The following ERC2 variants were observed in gnomAD, a reference collection of about 807,000 sequenced individuals.
ERC2 encodes the protein ELKS/RAB6-interacting/CAST family member 2, also known as ERC protein 2.
Under a neutral mutation model 114.8 loss-of-function variants are expected in ERC2, and 42 were observed. That is an observed-to-expected ratio of 0.37 (90% confidence interval 0.29 to 0.47). ERC2 has a LOEUF of 0.47. Ranked by LOEUF, ERC2 falls within the 20% of genes least tolerant of loss-of-function variation. The pLI is 0.99. For synonymous variants in ERC2, 454 were observed against 425.5 expected, an observed-to-expected ratio of 1.07 and a Z score of -0.82; for missense variants, 939 against 1,150.7, an observed-to-expected ratio of 0.82 and a Z score of 2.66.
intron 13 of ERC2, among the ~76,000 whole-genome samples, chr3:55,949,232 T>G (rs1289898445): frequency 2.6e-5 from 4 of 152,032 alleles, no homozygotes; most frequent in Admixed American, 2.6e-4. Flanking sequence ...TAGCGGGGCA[T>G]GGTGGCGGGA....
intron 14 of ERC2, among the ~76,000 whole-genome samples, chr3:55,867,609 A>C (rs192496588): frequency 7.2e-5 from 11 of 152,368 alleles, no homozygotes; most frequent in Non-Finnish European, 1.5e-4. Flanking sequence ...TGTATGCATG[A>C]GAAAAGAGAC....
chr3:56,333,226 GCCATGTGGATGAAGAA>G (rs2057708029), intron 2 of ERC2, among the ~76,000 whole-genome samples: 1 of 152,200 alleles, frequency 6.6e-6, no homozygotes, highest in Admixed American at 6.5e-5. Context: ...GGGCAGGGTG[GCCATGTGGATGAAGAA>G]CCTTAAATAT....
intron 12 of ERC2, among the ~76,000 whole-genome samples, chr3:55,977,520 A>G (rs1325416496): frequency 5.3e-5 from 8 of 152,190 alleles, no homozygotes; most frequent in Non-Finnish European, 1.0e-4. Context: ...GCAAATCAAA[A>G]CTGCACTTAA....
At chr3:56,426,887 C>T (rs112059450) in intron 2 of ERC2, among the ~76,000 whole-genome samples, 2,744 of 151,492 alleles carry the variant, frequency 0.018, 37 homozygotes, top group South Asian at 0.039. Context: ...TTTGGCAGAG[C>T]GCAGTGGCTC....
In ERC2 at chr3:56,355,883, G is replaced by A. The variant is rs766743167; in HGVS notation, c.658-59448C>T. On this transcript the variant is annotated intron_variant, in intron 2 of 17. Transcript: ENST00000288221. ...AAATTGTTCTGTCTGCTCCAGCACCGTACTTTCCATGGAGAGGTGATGAAT... is the reference window on the plus strand; with the variant it reads ...AAATTGTTCTGTCTGCTCCAGCACCATACTTTCCATGGAGAGGTGATGAAT... Among the ~76,000 whole-genome samples, 6 of 152,156 alleles carry A rather than the reference G, an allele frequency of 3.9e-5. No individual in the cohort carries two copies. The South Asian group carries it at 6.2e-4, about 16-fold the overall frequency.
chr3:56,199,574 C>T lies in ERC2; in HGVS notation c.1075-26054G>A, dbSNP rs111639756. Among the ~76,000 whole-genome samples the T allele has an allele frequency of 6.6e-3, 997 of 152,136 alleles. 14 individuals carry two copies. The highest frequency in any genetic ancestry group is 0.023 in the African/African-American group (956 of 41,482). Reference sequence around the variant, plus strand: ...CCAGGCTGGAGTGGAGGGGCATCATCATAGCTCACTGCAGCCTCAAACTCC... The same window carrying T: ...CCAGGCTGGAGTGGAGGGGCATCATTATAGCTCACTGCAGCCTCAAACTCC... On this transcript the variant is annotated intron_variant, in intron 3 of 17. Coordinates refer to ENST00000288221, the MANE Select transcript of ERC2 (RefSeq NM_015576.3).
At chr3:55,656,124 T>C (rs965878646) in intron 17 of ERC2, among the ~76,000 whole-genome samples, 7 of 151,970 alleles carry the variant, frequency 4.6e-5, no homozygotes, top group African/African-American at 1.7e-4. Flanking sequence ...ATTTATTTAT[T>C]TTTCTGAGTT....
intron 13 of ERC2, among the ~76,000 whole-genome samples, chr3:55,919,389 T>C (rs2065285282): frequency 6.6e-6 from 1 of 152,092 alleles, no homozygotes; most frequent in Non-Finnish European, 1.5e-5. Flanking sequence ...AAAAAAATCA[T>C]TTAAAAAAGT....
chr3:56,430,003 G>A (rs2061725578), intron 2 of ERC2, among the ~76,000 whole-genome samples: 1 of 152,142 alleles, frequency 6.6e-6, no homozygotes, highest in Admixed American at 6.5e-5. Context: ...GGAAAGGGCT[G>A]GGTTAGTTAG....
At chr3:55,592,633 T>C (rs994279601) in intron 17 of ERC2, among the ~76,000 whole-genome samples, 1 of 152,212 alleles carries the variant, frequency 6.6e-6, no homozygotes, top group African/African-American at 2.4e-5. Context: ...TGACGAAGTG[T>C]ATTTTTTTCA....
chr3:56,171,842 TC>T (rs1207076797), intron 4 of ERC2, among the ~76,000 whole-genome samples: 2 of 110,814 alleles, frequency 1.8e-5, no homozygotes, highest in Non-Finnish European at 4.0e-5. Flanking sequence ...GGAAACTCGC[TC>T]TTTTTTTTTT....
At chr3:56,201,012 G>A (rs941302054) in intron 3 of ERC2, among the ~76,000 whole-genome samples, 25 of 152,162 alleles carry the variant, frequency 1.6e-4, no homozygotes, top group Non-Finnish European at 3.1e-4. Flanking sequence ...CCTTACTCAT[G>A]TGACCTCCCT....
At chr3:55,666,862 T>G (rs4974189) in intron 17 of ERC2, among the ~76,000 whole-genome samples, 96,503 of 151,836 alleles carry the variant, frequency 0.64, 30,800 homozygotes, top group Admixed American at 0.67. Context: ...GGAGGCAACT[T>G]TCGTAAACTC....
intron 3 of ERC2, among the ~76,000 whole-genome samples, chr3:56,192,379 A>G (rs1174368410): frequency 1.3e-5 from 2 of 152,228 alleles, no homozygotes; most frequent in African/African-American, 4.8e-5. Flanking sequence ...ATGTCTATTA[A>G]ATAACTAAAA....
chr3:56,435,038 G>C lies in ERC2; in HGVS notation c.-31C>G, dbSNP rs781253049. ...TTGTATTATGAGGTGTTACTGAAGA[G>C]AAGAAATGCTATATTAAGTTGGGGT... On this transcript the variant is annotated 5_prime_UTR_variant, in exon 2 of 18. Transcript: ENST00000288221. The C allele has an allele frequency of 1.3e-6, 2 of 1,524,738 alleles. No homozygotes were observed. The highest frequency in any genetic ancestry group is 2.4e-5 in the South Asian group (2 of 82,352). The allele number at this position is 1,524,738 out of a possible 1,614,324, so 94.5% of individuals were successfully genotyped here.
intron 3 of ERC2, among the ~76,000 whole-genome samples, chr3:56,201,927 C>T (rs973947032): frequency 4.6e-5 from 7 of 152,166 alleles, no homozygotes; most frequent in Non-Finnish European, 1.0e-4. Flanking sequence ...AGAAAGGATG[C>T]TTTATTAACA....
chr3:56,243,172 T>C (rs1185154863), intron 3 of ERC2, among the ~76,000 whole-genome samples: 1 of 152,086 alleles, frequency 6.6e-6, no homozygotes, highest in Non-Finnish European at 1.5e-5. Context: ...ACAAAGAAGC[T>C]TTTACCACCT....
chr3:56,032,885 A>AAGAAAGAAAGAAAGAAAGAG (rs1553781723), intron 7 of ERC2, among the ~76,000 whole-genome samples: 3 of 79,266 alleles, frequency 3.8e-5, no homozygotes, highest in South Asian at 4.3e-4. Context: ...GAAAGAAAGA[A>AAGAAAGAAAGAAAGAAAGAG]AGAGAGAGAG....
chr3:56,324,062 A>G (rs1356082506), intron 2 of ERC2, among the ~76,000 whole-genome samples: 1 of 152,246 alleles, frequency 6.6e-6, no homozygotes, highest in Non-Finnish European at 1.5e-5. Context: ...TCACAGGCAC[A>G]GCTAAGCAGT....
Sources: allele counts gnomAD v4.1 joint callset (sites outside exome capture counted in the v4.1 genomes callset), GRCh38; gene constraint gnomAD v4.1.1; transcripts MANE v1.5; gene names NCBI Gene and HGNC (gene_info 2026-07-23, HGNC 2026-07-21).